Variants in TMPRSS11D observed in about 807,000 individuals in gnomAD.
TMPRSS11D encodes the protein transmembrane serine protease 11D, also known as transmembrane protease serine 11D.
Under a neutral mutation model 44.4 loss-of-function variants are expected in TMPRSS11D, and 32 were observed. That is an observed-to-expected ratio of 0.72 (90% confidence interval 0.54 to 0.97). TMPRSS11D has a LOEUF of 0.97. Among genes scored for constraint, TMPRSS11D ranks in the 50% least tolerant of loss-of-function variants. TMPRSS11D has a pLI of 0.00. For missense variants in TMPRSS11D, 446 were observed against 502.6 expected (o/e 0.89, Z 1.08); for synonymous variants, 179 against 177.9 (o/e 1.01, Z -0.05).
chr4:67,829,981 G>T (rs1161925986), intron 7 of TMPRSS11D, among the ~76,000 whole-genome samples: 2 of 152,002 alleles, frequency 1.3e-5, no homozygotes, highest in Non-Finnish European at 2.9e-5. Context: ...ATTCCTGAAG[G>T]TTTACAGAAA....
chr4:67,843,902 T>G (rs1718296874), intron 3 of TMPRSS11D, among the ~76,000 whole-genome samples: 1 of 152,176 alleles, frequency 6.6e-6, no homozygotes, highest in Non-Finnish European at 1.5e-5. Context: ...CAGCCTGGGC[T>G]ACAGAACGAG....
chr4:67,833,287 A>G lies in TMPRSS11D; in HGVS notation c.609T>C (p.Ser203=), dbSNP rs1717993338. ...AGTGGTGGGCATTATTGAGCCGCAG[A>G]CTGACTTGCCACGGCCAGCTTCCCT... The part of the protein sequence containing the change: ...AEEGSWPWQV[S]LRLNNAHHCG... The change falls in exon 7 of 10, where the codon AGT becomes AGC. Residue 203 remains serine, a synonymous_variant. Coordinates refer to ENST00000283916, the MANE Select transcript of TMPRSS11D (RefSeq NM_004262.3). The G allele has an allele frequency of 6.3e-7, 1 of 1,599,574 alleles. No individual in the cohort carries two copies. The highest frequency in any genetic ancestry group is 8.5e-7 in the Non-Finnish European group (1 of 1,173,504).
intron 3 of TMPRSS11D, among the ~76,000 whole-genome samples, chr4:67,849,769 G>A (rs1718448242): frequency 6.6e-6 from 1 of 152,216 alleles, no homozygotes; most frequent in South Asian, 2.1e-4. Flanking sequence ...CTTTGTCTAT[G>A]GGATAGAGAT....
intron 2 of TMPRSS11D, among the ~76,000 whole-genome samples, chr4:67,854,951 G>A (rs9312191): frequency 0.31 from 46,480 of 151,830 alleles, 7,816 homozygotes; most frequent in East Asian, 0.51. Context: ...ACCAGACAAG[G>A]ACACAATAAA....
chr4:67,854,960 A>C (rs1415227890), intron 2 of TMPRSS11D, among the ~76,000 whole-genome samples: 1 of 151,658 alleles, frequency 6.6e-6, no homozygotes, highest in African/African-American at 2.4e-5. Flanking sequence ...GGACACAATA[A>C]AAAAAAATAC....
At chr4:67,841,892 C>T (rs1474904990) in intron 4 of TMPRSS11D, among the ~76,000 whole-genome samples, 4 of 152,088 alleles carry the variant, frequency 2.6e-5, no homozygotes, top group Non-Finnish European at 5.9e-5. Flanking sequence ...TAGTATAATT[C>T]CTCTTCTACC....
intron 7 of TMPRSS11D, among the ~76,000 whole-genome samples, chr4:67,830,133 G>A (rs1012151341): frequency 1.3e-5 from 2 of 152,170 alleles, no homozygotes; most frequent in Middle Eastern, 3.4e-3. Flanking sequence ...CAAGAATTGA[G>A]TGAAAACAGT....
chr4:67,872,984 T>C (rs528611459), intron 1 of TMPRSS11D, among the ~76,000 whole-genome samples: 1 of 152,362 alleles, frequency 6.6e-6, no homozygotes, highest in African/African-American at 2.4e-5. Context: ...TTACAAGTAG[T>C]GCATTGGGAA....
At chr4:67,825,949 G>T in intron 8 of TMPRSS11D, 75 bp from the exon 9 acceptor site, 2 of 1,399,518 alleles carry the variant, frequency 1.4e-6, no homozygotes, top group South Asian at 1.7e-5. Context: ...AATTTGAGAA[G>T]AAATAAATGT....
Position 67,827,344 on chromosome 4 carries a change from C to T in TMPRSS11D, c.869G>A (p.Ser290Asn). ...CTGGGTAGCAGCTGGGAGACACACA[C>T]TATGGATATCTTTGGTAAAGGTGAC... is the stretch of plus-strand genomic sequence containing the variant. Reference protein sequence around the residue: ...NSVTFTKDIHSVCLPAATQNI... With the variant: ...NSVTFTKDIHNVCLPAATQNI... The change falls in exon 8 of 10, where the codon AGT becomes AAT. Residue 290 changes from serine to asparagine, a missense_variant. Coordinates refer to ENST00000283916, the MANE Select transcript of TMPRSS11D (RefSeq NM_004262.3). 6.2e-7 allele frequency: 1 copy of T among 1,613,320 alleles called. No homozygotes were observed. Among genetic ancestry groups the T allele is most frequent in the Non-Finnish European group, 8.5e-7 (1 of 1,179,582 alleles).
intron 3 of TMPRSS11D, among the ~76,000 whole-genome samples, chr4:67,848,758 G>A (rs1450434657): frequency 6.6e-6 from 1 of 152,226 alleles, no homozygotes; most frequent in Non-Finnish European, 1.5e-5. Context: ...CTTAAGGAAT[G>A]AAAGAAAGCC....
intron 3 of TMPRSS11D, among the ~76,000 whole-genome samples, chr4:67,853,013 G>A (rs1383971207): frequency 2.0e-5 from 3 of 152,236 alleles, no homozygotes; most frequent in Non-Finnish European, 4.4e-5. Context: ...ATCATGGAGA[G>A]CAGAGGTAGT....
At chr4:67,836,994 C>T (rs996864717) in intron 5 of TMPRSS11D, among the ~76,000 whole-genome samples, 1 of 152,114 alleles carries the variant, frequency 6.6e-6, no homozygotes, top group African/African-American at 2.4e-5. Context: ...TCTCTTTCTT[C>T]CCCAGATTCC....
chr4:67,839,276 T>C (rs1386755895), intron 4 of TMPRSS11D, among the ~76,000 whole-genome samples: 1 of 152,164 alleles, frequency 6.6e-6, no homozygotes, highest in Non-Finnish European at 1.5e-5. Flanking sequence ...CATATGGGTC[T>C]TGCAGTTTAG....
intron 4 of TMPRSS11D, among the ~76,000 whole-genome samples, chr4:67,841,479 G>A (rs1485353033): frequency 6.6e-6 from 1 of 152,110 alleles, no homozygotes; most frequent in African/African-American, 2.4e-5. Context: ...GACTGATGTG[G>A]TTTCTTTGGA....
At chr4:67,854,616 G>C (rs968051576) in intron 2 of TMPRSS11D, among the ~76,000 whole-genome samples, 6 of 152,096 alleles carry the variant, frequency 3.9e-5, no homozygotes, top group African/African-American at 1.4e-4. Context: ...TGAGGAGTTA[G>C]TAATTCACCA....
At chr4:67,826,009 T>C (rs1329079006) in intron 8 of TMPRSS11D, 135 bp from the exon 9 acceptor site, 31 of 1,129,194 alleles carry the variant, frequency 2.7e-5, no homozygotes, top group Non-Finnish European at 3.2e-5. Context: ...AAAGATTTAC[T>C]TTGGAGTTTC....
chr4:67,868,420 A>G (rs1718975393), intron 1 of TMPRSS11D, among the ~76,000 whole-genome samples: 2 of 152,292 alleles, frequency 1.3e-5, no homozygotes, highest in South Asian at 4.1e-4. Flanking sequence ...ACAAAACTGC[A>G]CTACTACCCC....
chr4:67,857,316 TATATATACACACACAC>T (rs1345486057), intron 2 of TMPRSS11D, among the ~76,000 whole-genome samples: 122 of 1,212 alleles, frequency 0.1, no homozygotes, highest in African/African-American at 0.16. Context: ...TATATATATA[TATATATACACACACAC>T]ACACACACAC....
Sources: allele counts gnomAD v4.1 joint callset (sites outside exome capture counted in the v4.1 genomes callset), GRCh38; gene constraint gnomAD v4.1.1; transcripts MANE v1.5; gene names NCBI Gene and HGNC (gene_info 2026-07-23, HGNC 2026-07-21).